HIVEP3: variants seen among roughly 807,000 people sequenced by gnomAD.
HIVEP3 encodes the protein HIVEP zinc finger 3.
HIVEP3 carries 49 observed loss-of-function variants against 152.8 expected under a neutral mutation model. The ratio of observed to expected loss-of-function variants is 0.32; its 90% CI spans 0.26 to 0.41. The LOEUF (loss-of-function observed/expected upper bound fraction) is 0.41, where lower values mean the gene tolerates loss of function less well. HIVEP3 is among the 10% of genes least tolerant of loss of function. The probability of loss-of-function intolerance (pLI) is 1.00; values close to 1 mark genes in which losing one functional copy is unlikely to be tolerated. For missense variants in HIVEP3, 2,790 were observed against 3,103.3 expected, an observed-to-expected ratio of 0.90 and a Z score of 2.40; for synonymous variants, 1,269 against 1,289.0, an observed-to-expected ratio of 0.98 and a Z score of 0.33.
chr1:41,916,833 T>G (rs764643960), intron 1 of HIVEP3, among the ~76,000 whole-genome samples: 6 of 152,162 alleles, frequency 3.9e-5, no homozygotes, highest in Non-Finnish European at 8.8e-5. Context: ...GCTTCAGGAT[T>G]CATTTTCTGC....
At chr1:41,544,808 C>T (rs1346544465) in intron 5 of HIVEP3, among the ~76,000 whole-genome samples, 2 of 142,930 alleles carry the variant, frequency 1.4e-5, no homozygotes, top group African/African-American at 5.2e-5. Flanking sequence ...TCACCACCAC[C>T]ACTACCACCT....
At chr1:42,029,959 A>G (rs1570903005) in intron 1 of HIVEP3, among the ~76,000 whole-genome samples, 1 of 152,250 alleles carries the variant, frequency 6.6e-6, no homozygotes, top group African/African-American at 2.4e-5. Flanking sequence ...CAGTGGCTGG[A>G]ATGCAAGAGT....
intron 5 of HIVEP3, among the ~76,000 whole-genome samples, chr1:41,565,844 C>G (rs1644154682): frequency 6.6e-6 from 1 of 152,212 alleles, no homozygotes; most frequent in Non-Finnish European, 1.5e-5. Flanking sequence ...TAATACGAGG[C>G]AAAGAGATCT....
At chr1:41,793,581 T>C (rs1195093254) in intron 1 of HIVEP3, among the ~76,000 whole-genome samples, 2 of 152,156 alleles carry the variant, frequency 1.3e-5, no homozygotes, top group Non-Finnish European at 2.9e-5. Flanking sequence ...AAAATATATA[T>C]TTAATGTCTA....
At chr1:41,867,921 T>C (rs1194978655) in intron 1 of HIVEP3, among the ~76,000 whole-genome samples, 3 of 146,656 alleles carry the variant, frequency 2.0e-5, no homozygotes, top group Non-Finnish European at 4.5e-5. Context: ...CTTCGATCTC[T>C]GCCCTCCCCC....
chr1:41,775,647 T>C (rs1318345950), intron 1 of HIVEP3, among the ~76,000 whole-genome samples: 1 of 152,132 alleles, frequency 6.6e-6, no homozygotes, highest in Non-Finnish European at 1.5e-5. Context: ...CTCACCACCA[T>C]GCCTGGCTAA....
At chr1:41,941,896 T>G (rs1380883892) in intron 1 of HIVEP3, among the ~76,000 whole-genome samples, 1 of 152,206 alleles carries the variant, frequency 6.6e-6, no homozygotes, top group Non-Finnish European at 1.5e-5. Context: ...TGGATCACAC[T>G]TTCAGTGGCA....
chr1:41,621,051 T>C (rs1645040183), intron 3 of HIVEP3, among the ~76,000 whole-genome samples: 1 of 152,208 alleles, frequency 6.6e-6, no homozygotes. Context: ...ACGTTTGAGC[T>C]TGGGTGTTCC....
intron 1 of HIVEP3, among the ~76,000 whole-genome samples, chr1:42,018,023 G>A (rs574610315): frequency 5.9e-5 from 9 of 152,074 alleles, no homozygotes; most frequent in African/African-American, 2.2e-4. Context: ...CTCTGACAAT[G>A]AATGCAATTG....
chr1:41,974,553 A>G (rs1332624863), intron 1 of HIVEP3, among the ~76,000 whole-genome samples: 1 of 150,766 alleles, frequency 6.6e-6, no homozygotes, highest in African/African-American at 2.5e-5. Context: ...AACCTTAATA[A>G]TTCTTCAAAG....
intron 4 of HIVEP3, among the ~76,000 whole-genome samples, chr1:41,576,711 G>C (rs1644332565): frequency 6.6e-6 from 1 of 152,212 alleles, no homozygotes; most frequent in South Asian, 2.1e-4. Context: ...AGGTAGAAAG[G>C]TGACTGGCTG....
At position 41,585,025 on chromosome 1, in the gene HIVEP3, C is replaced by T. The variant is rs1214782420; in HGVS notation, c.-228G>A. 2.5e-6 allele frequency: 1 copy of T among 407,388 alleles called. No homozygotes were observed. The highest frequency in any genetic ancestry group is 4.3e-6 in the Non-Finnish European group (1 of 232,080). 25.2% of individuals were successfully genotyped at this position (407,388 alleles called of 1,614,324 possible). A position where few individuals can be genotyped will look rare whatever the true frequency, so the allele number is the denominator to read the frequency against. ...TATTCTATTGGTGAGGCATGGCCCT[C>T]TACTTTGCAGACAGAAAACGCACCA... On this transcript the variant is annotated 5_prime_UTR_variant, in exon 4 of 9. It removes the in-frame stop codon of an upstream open reading frame in the 5' UTR. Coordinates refer to ENST00000372583, the MANE Select transcript of HIVEP3 (RefSeq NM_024503.5).
intron 1 of HIVEP3, among the ~76,000 whole-genome samples, chr1:42,006,695 G>C (rs146046532): frequency 1.3e-5 from 2 of 152,022 alleles, no homozygotes; most frequent in South Asian, 4.1e-4. Context: ...TTGTTGCAAT[G>C]TCATAGGTCC....
In HIVEP3 at chr1:41,510,062, G is replaced by A. The variant is rs140373330; in HGVS notation, c.*389C>T. The A allele has an allele frequency of 3.6e-5, 6 of 166,622 alleles. No homozygotes were observed. In the East Asian group the frequency reaches 1.0e-3, roughly 28 times the overall value. 10.3% of individuals were successfully genotyped at this position (166,622 alleles called of 1,614,324 possible). ...TACATTTAATTCTATATTGTTTGAA[G>A]TTTCCTTTTCCTTTCTCCCTCAGTG... On this transcript the variant is annotated 3_prime_UTR_variant, in exon 9 of 9. Transcript: ENST00000372583.
chr1:41,778,885 G>A (rs1648870744), intron 1 of HIVEP3, among the ~76,000 whole-genome samples: 1 of 152,206 alleles, frequency 6.6e-6, no homozygotes, highest in African/African-American at 2.4e-5. Flanking sequence ...AGATATCTGG[G>A]CAGAGATAGG....
At chr1:41,579,103 T>G (rs1224608308) in intron 4 of HIVEP3, among the ~76,000 whole-genome samples, 5 of 152,242 alleles carry the variant, frequency 3.3e-5, no homozygotes, top group Non-Finnish European at 7.3e-5. Flanking sequence ...TAGCGTTTCT[T>G]GACCACGTAG....
chr1:41,882,843 T>TA (rs1000769054), intron 1 of HIVEP3, among the ~76,000 whole-genome samples: 1 of 152,224 alleles, frequency 6.6e-6, no homozygotes. Context: ...TCCTTGCTGT[T>TA]AGAGTTCAGG....
chr1:41,604,377 A>C (rs893411104), intron 3 of HIVEP3, among the ~76,000 whole-genome samples: 5 of 152,272 alleles, frequency 3.3e-5, no homozygotes, highest in Admixed American at 3.3e-4. Flanking sequence ...AGACAAAAAT[A>C]TATATCTTAC....
intron 1 of HIVEP3, among the ~76,000 whole-genome samples, chr1:41,979,841 T>C (rs1645284836): frequency 6.6e-6 from 1 of 152,220 alleles, no homozygotes; most frequent in African/African-American, 2.4e-5. Flanking sequence ...AGAAAAAGTA[T>C]CTACTATAAA....
Sources: gnomAD v4.1 joint callset for allele counts (sites outside exome capture counted in the v4.1 genomes callset) on GRCh38, gnomAD v4.1.1 for gene constraint, MANE v1.5 for transcripts, NCBI Gene and HGNC (gene_info 2026-07-23, HGNC 2026-07-21) for gene names.